The following CASZ1 variants were observed in gnomAD, a reference collection of about 807,000 sequenced individuals.
CASZ1 encodes the protein castor zinc finger 1, also known as zinc finger protein castor homolog 1.
Under a neutral mutation model 135.2 loss-of-function variants are expected in CASZ1, and 28 were observed. The observed-to-expected ratio is 0.21, with a 90% CI of 0.15 to 0.28. The LOEUF is 0.28. Among genes scored for constraint, CASZ1 ranks in the 10% least tolerant of loss-of-function variants. The pLI, the probability that CASZ1 is intolerant of heterozygous loss-of-function variation, is 1.00. For synonymous variants in CASZ1, 1,068 were observed against 1,073.4 expected, an observed-to-expected ratio of 0.99 and a Z score of 0.10; for missense variants, 2,161 against 2,453.3, an observed-to-expected ratio of 0.88 and a Z score of 2.52.
At chr1:10,710,175 T>G (rs1639259440) in intron 2 of CASZ1, among the ~76,000 whole-genome samples, 1 of 152,196 alleles carries the variant, frequency 6.6e-6, no homozygotes, top group Non-Finnish European at 1.5e-5. Context: ...GACCTCAACT[T>G]GACCCTCCAC....
At chr1:10,729,094 G>C (rs1312357726) in intron 2 of CASZ1, among the ~76,000 whole-genome samples, 2 of 151,996 alleles carry the variant, frequency 1.3e-5, no homozygotes, top group African/African-American at 4.8e-5. Context: ...TGGGGGAAGG[G>C]GAGTGGGGAG....
At chr1:10,743,417 A>AGGAGAGCCCTG (rs147216387) in intron 2 of CASZ1, among the ~76,000 whole-genome samples, 3,887 of 151,086 alleles carry the variant, frequency 0.026, 85 homozygotes, top group Non-Finnish European at 0.038. Flanking sequence ...CTCAGAATGA[A>AGGAGAGCCCTG]GGAGAGCCCT....
chr1:10,649,461 T>A (rs566866337), intron 13 of CASZ1, 24 bp from the exon 14 acceptor site: 5 of 1,590,934 alleles, frequency 3.1e-6, no homozygotes, highest in Non-Finnish European at 3.4e-6. Context: ...AGGCCGAGCA[T>A]GGGGCTGGGG....
intron 14 of CASZ1, 30 bp downstream of exon 14, chr1:10,649,253 G>A (rs748614846): frequency 3.7e-6 from 6 of 1,605,748 alleles, no homozygotes; most frequent in East Asian, 2.2e-5. Context: ...GCGGGGGGAC[G>A]ATGGGTGGAC....
rs1638949094 is a variant in CASZ1, at chr1:10,697,056, G to A, written c.-23-3144C>T. Among the ~76,000 whole-genome samples the A allele has an allele frequency of 6.6e-6, 1 of 152,236 alleles. No homozygotes were observed. The highest frequency in any genetic ancestry group is 1.5e-5 in the Non-Finnish European group (1 of 68,044). ...ACTCTGTCAAGTCCCTGGCCAGGTAGCCACAGGCTGAGTGGGCCCTGCCCA... is the reference window on the plus strand; with the variant it reads ...ACTCTGTCAAGTCCCTGGCCAGGTAACCACAGGCTGAGTGGGCCCTGCCCA... On this transcript the variant is annotated intron_variant, in intron 3 of 20. Coordinates refer to ENST00000377022, the MANE Select transcript of CASZ1 (RefSeq NM_001079843.3). The surrounding 1 kb of genome is among the most constrained non-coding windows in gnomAD (Gnocchi z 4.7).
At position 10,639,924 on chromosome 1, in the gene CASZ1, C is replaced by T; in HGVS notation, c.4298G>A (p.Gly1433Asp). 1 of 1,612,930 alleles carries T rather than the reference C, an allele frequency of 6.2e-7. No homozygotes were observed. The highest frequency in any genetic ancestry group is 1.1e-5 in the South Asian group (1 of 91,070). Reference sequence around the variant, plus strand: ...CTCGTAAAGGTCGAAGCGCCGGAAGCCCTCCAGCATCATGCCCTCGTCCAG... The same window carrying T: ...CTCGTAAAGGTCGAAGCGCCGGAAGTCCTCCAGCATCATGCCCTCGTCCAG... ...KMLDEGMMLE[G>D]FRRFDLYEDC... Residue 1433 changes from glycine to aspartate, a missense_variant, in exon 21 of 21, where the codon GGC becomes GAC. Transcript: ENST00000377022. This position sits in a 1 kb window ranked among gnomAD's most constrained non-coding sequence, Gnocchi z 4.0.
At chr1:10,784,477 T>G (rs147803996) in intron 1 of CASZ1, among the ~76,000 whole-genome samples, 244 of 152,368 alleles carry the variant, frequency 1.6e-3, no homozygotes, top group African/African-American at 5.6e-3. Flanking sequence ...AATTGCCATG[T>G]GGGCTAATGG....
intron 1 of CASZ1, among the ~76,000 whole-genome samples, chr1:10,791,331 T>C (rs1640952600): frequency 6.6e-6 from 1 of 152,246 alleles, no homozygotes. Context: ...AAACTTAGTC[T>C]TTCCAATTAA....
chr1:10,643,036 T>G (rs376056442), intron 19 of CASZ1, 36 bp from the exon 20 acceptor site: 1 of 1,605,084 alleles, frequency 6.2e-7, no homozygotes, highest in Non-Finnish European at 8.5e-7. Context: ...GAAGTGGGGC[T>G]GTGGGGTATG....
At chr1:10,732,890 T>G (rs1639727856) in intron 2 of CASZ1, among the ~76,000 whole-genome samples, 1 of 152,016 alleles carries the variant, frequency 6.6e-6, no homozygotes, top group South Asian at 2.1e-4. Flanking sequence ...CAGTGTGCAA[T>G]TCACAGGATG....
chr1:10,783,871 CA>C (rs34487572), intron 1 of CASZ1, among the ~76,000 whole-genome samples: 13,789 of 78,612 alleles, frequency 0.18, 549 homozygotes, highest in South Asian at 0.32. Flanking sequence ...GACTCCGTCT[CA>C]AAAAAAAAAA....
chr1:10,761,712 T>C (rs1320778702), intron 1 of CASZ1, among the ~76,000 whole-genome samples: 1 of 152,228 alleles, frequency 6.6e-6, no homozygotes, highest in Admixed American at 6.5e-5. Context: ...CCTGTAAATA[T>C]TTTCAGCATT....
intron 1 of CASZ1, among the ~76,000 whole-genome samples, chr1:10,793,949 C>A (rs1641010896): frequency 6.6e-6 from 1 of 152,144 alleles, no homozygotes; most frequent in Non-Finnish European, 1.5e-5. Context: ...CCGCCCGGGA[C>A]GCACCGCCTG....
At chr1:10,675,403 C>T (rs1388215819) in intron 4 of CASZ1, among the ~76,000 whole-genome samples, 1 of 152,092 alleles carries the variant, frequency 6.6e-6, no homozygotes, top group Non-Finnish European at 1.5e-5. Context: ...GAATGGGGGT[C>T]CTGGGGTGGC....
In CASZ1 at chr1:10,721,900, C is replaced by T. The variant is rs1389090241; in HGVS notation, c.-76-16356G>A. Among the ~76,000 whole-genome samples the T allele has an allele frequency of 2.6e-5, 4 of 152,214 alleles. No homozygotes were observed. Among genetic ancestry groups the T allele is most frequent in the Non-Finnish European group, 5.9e-5 (4 of 68,024 alleles). On this transcript the variant is annotated intron_variant, in intron 2 of 20. Transcript: ENST00000377022. This position sits in a 1 kb window ranked among gnomAD's most constrained non-coding sequence, Gnocchi z 5.4. ...AGAAGAGGGGCCAGGGCAGCCTCTT[C>T]GGGTCCGCCCAGCTGCCACTCCCAC...
At chr1:10,771,996 A>G (rs1640585630) in intron 1 of CASZ1, among the ~76,000 whole-genome samples, 1 of 152,116 alleles carries the variant, frequency 6.6e-6, no homozygotes, top group Non-Finnish European at 1.5e-5. Flanking sequence ...CCCTGATCTC[A>G]GCAAAAGACA....
Position 10,647,969 on chromosome 1 carries a change from A to G in CASZ1, c.3329T>C (p.Val1110Ala), listed in dbSNP as rs533083048. ...GGCGAGCAGGGTGGGGGTGGAGGGC[A>G]CGGAGGCCGGGCTGGGAGCGGGCCC... ...LEGPAPSPAS[V>A]PSTPTLLAWK... The change falls in exon 16 of 21, where the codon GTG (valine) becomes GCG (alanine). Residue 1110 changes from valine (V) to alanine (A), a missense_variant. Val to Ala is a moderately conservative substitution (Grantham distance 64, BLOSUM62 0). Transcript: ENST00000377022. This position sits in a 1 kb window ranked among gnomAD's most constrained non-coding sequence, Gnocchi z 4.9. The G allele has an allele frequency of 2.2e-5, 36 of 1,609,512 alleles. 3 individuals are homozygous for G. In the African/African-American group the frequency reaches 4.7e-4, roughly 21 times the overall value.
rs1360378306 is a variant in CASZ1 at position 10,701,800 on chromosome 1, G to A, written c.-24+3692C>T. On this transcript the variant is annotated intron_variant, in intron 3 of 20. Transcript: ENST00000377022. The surrounding 1 kb of genome is among the most constrained non-coding windows in gnomAD (Gnocchi z 6.3). ...AGCCCCTAGGACCAGGCAGCTGACG[G>A]GGGGCTGGCTTTCCTGCCTCCTGCT... 6.6e-6 allele frequency among the ~76,000 whole-genome samples: 1 copy of A among 152,144 alleles called. No homozygotes were observed. Among genetic ancestry groups the A allele is most frequent in the Non-Finnish European group, 1.5e-5 (1 of 68,014 alleles).
In CASZ1 at chr1:10,787,522, G is replaced by A. The variant is rs931426607; in HGVS notation, c.-234+9042C>T. ...TGAGCTCCCCGGGGGCGAGGGGGGC[G>A]GGCGGAGCTGGAGACGCTGGCACAG... On this transcript the variant is annotated intron_variant, in intron 1 of 20. Coordinates refer to ENST00000377022, the MANE Select transcript of CASZ1 (RefSeq NM_001079843.3). Among the ~76,000 whole-genome samples the A allele has an allele frequency of 2.6e-5, 4 of 152,324 alleles. 1 individual carries two copies. The South Asian group carries it at 6.2e-4, about 24-fold the overall frequency.
Sources: gnomAD v4.1 joint callset for allele counts (sites outside exome capture counted in the v4.1 genomes callset) on GRCh38, gnomAD v4.1.1 for gene constraint, Gnocchi (gnomAD v3.1) non-coding constraint, MANE v1.5 for transcripts, NCBI Gene and HGNC (gene_info 2026-07-23, HGNC 2026-07-21) for gene names.